CDH1: variants seen among roughly 807,000 people sequenced by gnomAD.
CDH1 encodes cadherin 1.
Under a neutral mutation model 84.5 loss-of-function variants are expected in CDH1, and 35 were observed. The observed-to-expected ratio is 0.41, with a 90% CI of 0.32 to 0.55. The LOEUF (loss-of-function observed/expected upper bound fraction) is 0.55, where lower values mean the gene tolerates loss of function less well. Among genes scored for constraint, CDH1 ranks in the 20% least tolerant of loss-of-function variants. The pLI is 0.19. For missense variants in CDH1, 994 were observed against 1,126.6 expected, an observed-to-expected ratio of 0.88 and a Z score of 1.68; for synonymous variants, 417 against 439.0, an observed-to-expected ratio of 0.95 and a Z score of 0.63.
At chr16:68,767,803 A>G (rs1959433137) in intron 2 of CDH1, among the ~76,000 whole-genome samples, 1 of 152,200 alleles carries the variant, frequency 6.6e-6, no homozygotes, top group Non-Finnish European at 1.5e-5. Flanking sequence ...AGAATAAAAG[A>G]TAAGAGGAGA....
Position 68,811,160 on chromosome 16 carries a change from G to C in CDH1, c.833-524G>C, listed in dbSNP as rs145681397. Among the ~76,000 whole-genome samples, 1,056 of 151,978 alleles carry C rather than the reference G, an allele frequency of 6.9e-3. 4 individuals are homozygous for C. The highest frequency in any genetic ancestry group is 0.012 in the Non-Finnish European group (807 of 67,960). On this transcript the variant is annotated intron_variant, in intron 6 of 15. Transcript: ENST00000261769. Reference sequence around the variant, plus strand: ...CACCTGTAACCCCAGCACTTTGGGAGGCCAAGGTGGGCAAATCACTTGAGG... The same window carrying C: ...CACCTGTAACCCCAGCACTTTGGGACGCCAAGGTGGGCAAATCACTTGAGG...
chr16:68,772,297 G>A (rs985540034), intron 2 of CDH1, among the ~76,000 whole-genome samples: 2 of 152,296 alleles, frequency 1.3e-5, no homozygotes. Context: ...ATGGAAGGGC[G>A]GGGCTCCATT....
chr16:68,778,669 G>A (rs780567409), intron 2 of CDH1, among the ~76,000 whole-genome samples: 67 of 152,152 alleles, frequency 4.4e-4, no homozygotes, highest in Non-Finnish European at 8.2e-4. Flanking sequence ...AGGCAGGCAG[G>A]CCGGTTTTCC....
intron 2 of CDH1, among the ~76,000 whole-genome samples, chr16:68,788,751 C>T (rs1161813449): frequency 6.6e-6 from 1 of 152,174 alleles, no homozygotes; most frequent in Admixed American, 6.5e-5. Flanking sequence ...GTAATCTCAA[C>T]ACTTTTGGAG....
intron 2 of CDH1, among the ~76,000 whole-genome samples, chr16:68,788,275 C>A (rs764646407): frequency 1.3e-5 from 2 of 152,194 alleles, no homozygotes; most frequent in Non-Finnish European, 2.9e-5. Flanking sequence ...CTATATATTT[C>A]TTACTGGTTC....
Position 68,834,159 on chromosome 16 carries a change from A to G in CDH1, c.*660A>G. 1 of 482,330 alleles carries G rather than the reference A, an allele frequency of 2.1e-6. No individual in the cohort carries two copies. The highest frequency in any genetic ancestry group is 1.6e-5 in the South Asian group (1 of 62,468). 29.9% of individuals were successfully genotyped at this position (482,330 alleles called of 1,614,324 possible). A position where few individuals can be genotyped will look rare whatever the true frequency, so the allele number is the denominator to read the frequency against. On this transcript the variant is annotated 3_prime_UTR_variant, in exon 16 of 16. Transcript: ENST00000261769. ...ATTTGAGACGGGGTCTCCCTGTGTTACCCAGGCTGGTCTCAAACTCCTGGG... is the reference window on the plus strand; with the variant it reads ...ATTTGAGACGGGGTCTCCCTGTGTTGCCCAGGCTGGTCTCAAACTCCTGGG...
chr16:68,801,613 A>G, intron 2 of CDH1, 57 bp from the exon 3 acceptor site: 17 of 1,423,588 alleles, frequency 1.2e-5, no homozygotes, highest in Non-Finnish European at 1.7e-5. Context: ...TTGGAGAAGG[A>G]ATGCTCTTGT....
Position 68,823,371 on chromosome 16 carries a change from C to T in CDH1, c.1937-28C>T, listed in dbSNP as rs368716810. 6.7e-6 allele frequency: 10 copies of T among 1,493,326 alleles called. No homozygotes were observed. In the African/African-American group the frequency reaches 1.4e-4, roughly 21 times the overall value. 92.5% of individuals were successfully genotyped at this position (1,493,326 alleles called of 1,614,324 possible). On this transcript the variant is annotated intron_variant, in intron 12 of 15. Transcript: ENST00000261769. ...GCTTTTTATTTTCCTCCCCTGGTCT[C>T]ATCATTTCTTTTTATTGCTTTCTCC...
intron 1 of CDH1, among the ~76,000 whole-genome samples, 186 bp downstream of exon 1, chr16:68,737,649 G>A (rs1962436411): frequency 6.6e-6 from 1 of 152,204 alleles, no homozygotes; most frequent in South Asian, 2.1e-4. Context: ...TGGGGGGTGG[G>A]TGGTGAGGGG....
At chr16:68,815,078 T>A (rs996868931) in intron 9 of CDH1, among the ~76,000 whole-genome samples, 2 of 151,592 alleles carry the variant, frequency 1.3e-5, no homozygotes, top group East Asian at 1.9e-4. Flanking sequence ...ATACAAAAAA[T>A]TAGCCAGGTG....
In CDH1 at chr16:68,801,005, G is replaced by T. The variant is rs371370848; in HGVS notation, c.164-665G>T. ...ACAGTGTCTGGCATATAGCTTGATG[G>T]TTACCTATTTGAATGAGTCCTTTGA... On this transcript the variant is annotated intron_variant, in intron 2 of 15. Coordinates refer to ENST00000261769, the MANE Select transcript of CDH1 (RefSeq NM_004360.5). Among the ~76,000 whole-genome samples the T allele has an allele frequency of 1.3e-3, 201 of 152,306 alleles. 1 individual carries two copies. Among genetic ancestry groups the T allele is most frequent in the South Asian group, 2.9e-3 (14 of 4,822 alleles).
chr16:68,763,851 G>A lies in CDH1; in HGVS notation c.163+25440G>A, dbSNP rs150274442. ...CACCCCTAGAGATTCTGATGTTTAA[G>A]TCTGGGGTGAGTCCAGGAATCTGCA... On this transcript the variant is annotated intron_variant, in intron 2 of 15. Transcript: ENST00000261769. 4.0e-3 allele frequency among the ~76,000 whole-genome samples: 609 copies of A among 152,332 alleles called. 3 individuals are homozygous for A. Among genetic ancestry groups the A allele is most frequent in the African/African-American group, 0.013 (528 of 41,570 alleles).
chr16:68,777,103 G>A (rs572319206), intron 2 of CDH1, among the ~76,000 whole-genome samples: 71 of 152,296 alleles, frequency 4.7e-4, no homozygotes, highest in African/African-American at 1.5e-3. Context: ...GAGAGAGAAA[G>A]CCACAGTCCC....
At chr16:68,789,191 A>ATT (rs1018284478) in intron 2 of CDH1, among the ~76,000 whole-genome samples, 2 of 151,008 alleles carry the variant, frequency 1.3e-5, no homozygotes, top group South Asian at 2.1e-4. Flanking sequence ...TGCCCAGCTA[A>ATT]TTTTTTTTTG....
chr16:68,747,110 C>T (rs1490660172), intron 2 of CDH1, among the ~76,000 whole-genome samples: 3 of 152,184 alleles, frequency 2.0e-5, no homozygotes. Flanking sequence ...TTCCAGTAGG[C>T]TCCAAGAATG....
At chr16:68,745,853 T>C (rs1360140582) in intron 2 of CDH1, among the ~76,000 whole-genome samples, 1 of 152,144 alleles carries the variant, frequency 6.6e-6, no homozygotes, top group African/African-American at 2.4e-5. Context: ...AGTCTTGCTC[T>C]GTCACCCAGG....
chr16:68,796,897 G>A (rs1263134582), intron 2 of CDH1, among the ~76,000 whole-genome samples: 1 of 152,154 alleles, frequency 6.6e-6, no homozygotes, highest in Admixed American at 6.5e-5. Context: ...CAGCACTTTG[G>A]GAGGCTGAGG....
At chr16:68,789,111 C>T (rs536755648) in intron 2 of CDH1, among the ~76,000 whole-genome samples, 7 of 152,262 alleles carry the variant, frequency 4.6e-5, no homozygotes, top group East Asian at 3.9e-4. Context: ...GCAGCCTTGA[C>T]GTCCCCAGCT....
Position 68,823,325 on chromosome 16 carries a change from A to G in CDH1, c.1937-74A>G, listed in dbSNP as rs937861883. Reference sequence around the variant, plus strand: ...GGCTTGCGGGTGTCTTTAGTTCACTAGCAATTTTATTCTGGAATGAGCTTT... The same window carrying G: ...GGCTTGCGGGTGTCTTTAGTTCACTGGCAATTTTATTCTGGAATGAGCTTT... On this transcript the variant is annotated intron_variant, in intron 12 of 15. Transcript: ENST00000261769. 25 of 1,083,836 alleles carry G rather than the reference A, an allele frequency of 2.3e-5. No individual in the cohort carries two copies. The Admixed American group carries it at 2.6e-4, about 11-fold the overall frequency. The allele number at this position is 1,083,836 out of a possible 1,614,324, so 67.1% of individuals were successfully genotyped here.
Sources: allele counts gnomAD v4.1 joint callset (sites outside exome capture counted in the v4.1 genomes callset), GRCh38; gene constraint gnomAD v4.1.1; transcripts MANE v1.5; gene names NCBI Gene and HGNC (gene_info 2026-07-23, HGNC 2026-07-21).